The following ZDHHC7 variants were observed in gnomAD, a reference collection of about 807,000 sequenced individuals.
ZDHHC7 encodes zDHHC palmitoyltransferase 7, also known as palmitoyltransferase ZDHHC7.
Under a neutral mutation model 34.1 loss-of-function variants are expected in ZDHHC7, and 12 were observed. That is an observed-to-expected ratio of 0.35 (90% CI 0.23 to 0.57). The LOEUF is 0.57. Ranked by LOEUF, ZDHHC7 falls within the 20% of genes least tolerant of loss-of-function variation. The probability of loss-of-function intolerance (pLI) is 0.84; values close to 1 mark genes in which losing one functional copy is unlikely to be tolerated. For missense variants in ZDHHC7, 388 were observed against 402.7 expected, an observed-to-expected ratio of 0.96 and a Z score of 0.31; for synonymous variants, 185 against 155.4, an observed-to-expected ratio of 1.19 and a Z score of -1.42.
chr16:84,988,156 G>C (rs995402637), intron 3 of ZDHHC7, among the ~76,000 whole-genome samples: 3 of 152,110 alleles, frequency 2.0e-5, no homozygotes, highest in Non-Finnish European at 2.9e-5. Flanking sequence ...GGGCGACAGA[G>C]TGAGACTCCG....
the ZDHHC7 span, among the ~76,000 whole-genome samples, chr16:85,026,848 T>C: frequency 3.3e-5 from 5 of 151,962 alleles, no homozygotes; most frequent in Non-Finnish European, 5.9e-5. Context: ...ACAAATATCT[T>C]CAGAAAATTT....
intron 2 of ZDHHC7, among the ~76,000 whole-genome samples, chr16:84,992,219 C>T (rs1234251881): frequency 2.6e-5 from 4 of 151,892 alleles, no homozygotes; most frequent in Non-Finnish European, 5.9e-5. Flanking sequence ...CCTGTAACCC[C>T]AGCGCTTTCA....
chr16:85,004,911 C>T (rs896343134), intron 1 of ZDHHC7: 3 of 149,714 alleles, frequency 2.0e-5, no homozygotes, highest in African/African-American at 7.3e-5. Flanking sequence ...AAGAGAAAAA[C>T]CCCACCTGTA....
the ZDHHC7 span, among the ~76,000 whole-genome samples, chr16:85,023,914 C>G: frequency 6.6e-6 from 1 of 151,818 alleles, no homozygotes; most frequent in East Asian, 1.9e-4. Context: ...TCACACCCAA[C>G]CTATTCAAAG....
intron 1 of ZDHHC7, among the ~76,000 whole-genome samples, chr16:85,007,361 T>G (rs1388714156): frequency 2.0e-5 from 3 of 147,338 alleles, no homozygotes; most frequent in Non-Finnish European, 4.4e-5. Context: ...AGGCGGAGGT[T>G]GCAGTGAGCC....
chr16:85,018,564 C>T, the ZDHHC7 span, among the ~76,000 whole-genome samples: 3 of 152,070 alleles, frequency 2.0e-5, no homozygotes, highest in Admixed American at 2.0e-4. Flanking sequence ...TCTCCTGCCT[C>T]AGCCTCCCTG....
intron 3 of ZDHHC7, chr16:84,988,666 G>A: frequency 3.9e-6 from 4 of 1,031,278 alleles, no homozygotes; most frequent in Non-Finnish European, 5.8e-6. Context: ...TGAGCGCAGA[G>A]GAGGAAGGGG....
the ZDHHC7 span, among the ~76,000 whole-genome samples, chr16:85,027,164 T>C: frequency 6.6e-6 from 1 of 152,242 alleles, no homozygotes; most frequent in Non-Finnish European, 1.5e-5. Context: ...AGATGCCCCG[T>C]TTTAAAAAGT....
At chr16:84,982,928 C>T (rs1337040851) in intron 3 of ZDHHC7, among the ~76,000 whole-genome samples, 1 of 152,214 alleles carries the variant, frequency 6.6e-6, no homozygotes, top group Non-Finnish European at 1.5e-5. Context: ...ACTGAGGACC[C>T]GCTGTAGGGA....
At chr16:85,003,200 G>A (rs764367536) in intron 1 of ZDHHC7, among the ~76,000 whole-genome samples, 3 of 152,156 alleles carry the variant, frequency 2.0e-5, no homozygotes, top group Non-Finnish European at 2.9e-5. Context: ...CTGAGGGCCC[G>A]AGGAGCCTGA....
intron 1 of ZDHHC7, among the ~76,000 whole-genome samples, chr16:84,996,396 C>T (rs1441403479): frequency 6.6e-6 from 1 of 152,022 alleles, no homozygotes; most frequent in African/African-American, 2.4e-5. Context: ...AGACAGAGCA[C>T]TTGAGGCAGG....
the ZDHHC7 span, among the ~76,000 whole-genome samples, chr16:85,021,615 G>C: frequency 1.1e-4 from 16 of 152,004 alleles, 1 homozygote; most frequent in South Asian, 3.3e-3. Context: ...CTACTCAGAA[G>C]ACTGAGGCAC....
chr16:84,998,261 CAA>C (rs537445063), intron 1 of ZDHHC7, among the ~76,000 whole-genome samples: 32 of 100,442 alleles, frequency 3.2e-4, no homozygotes, highest in South Asian at 5.9e-4. Flanking sequence ...GAGACTGTCT[CAA>C]AAAAAAAAAA....
At chr16:84,991,442 C>T (rs901653972) in intron 2 of ZDHHC7, among the ~76,000 whole-genome samples, 1 of 151,830 alleles carries the variant, frequency 6.6e-6, no homozygotes, top group Admixed American at 6.6e-5. Flanking sequence ...CCCACCACCA[C>T]ACCTAGCTAA....
chr16:84,977,002 C>G, intron 7 of ZDHHC7, 93 bp downstream of exon 7: 1 of 1,538,590 alleles, frequency 6.5e-7, no homozygotes, highest in Non-Finnish European at 8.8e-7. Context: ...GTTCCCGAGT[C>G]AGTCCACAGG....
At chr16:85,005,992 G>A (rs1349927675) in intron 1 of ZDHHC7, among the ~76,000 whole-genome samples, 2 of 152,100 alleles carry the variant, frequency 1.3e-5, no homozygotes, top group Non-Finnish European at 2.9e-5. Context: ...TCTCTAGCCT[G>A]TACCTCTGCA....
intron 3 of ZDHHC7, 94 bp downstream of exon 3, chr16:84,990,210 G>A (rs910567259): frequency 1.4e-6 from 2 of 1,401,994 alleles, no homozygotes; most frequent in South Asian, 1.4e-5. Flanking sequence ...ATGTCAATAT[G>A]TCCCTGTGCA....
In ZDHHC7 at chr16:84,974,667, C is replaced by T. The variant is rs1343124896; in HGVS notation, c.*1676G>A. 6.5e-6 allele frequency: 1 copy of T among 152,688 alleles called. No homozygotes were observed. The highest frequency in any genetic ancestry group is 2.4e-5 in the African/African-American group (1 of 41,454). 9.5% of individuals were successfully genotyped at this position (152,688 alleles called of 1,614,324 possible). ...CATGTCCAACCCAGACAACAATGTG[C>T]AAATGAATATGCAGAACAATCTCGG... On this transcript the variant is annotated 3_prime_UTR_variant, in exon 8 of 8. Coordinates refer to ENST00000313732, the MANE Select transcript of ZDHHC7 (RefSeq NM_017740.3).
chr16:85,023,980 G>A, the ZDHHC7 span, among the ~76,000 whole-genome samples: 1 of 151,964 alleles, frequency 6.6e-6, no homozygotes, highest in Non-Finnish European at 1.5e-5. Context: ...TGCAATGGTA[G>A]GATCTCAGCT....
Sources: allele counts gnomAD v4.1 joint callset (sites outside exome capture counted in the v4.1 genomes callset), GRCh38; gene constraint gnomAD v4.1.1; transcripts MANE v1.5; gene names NCBI Gene and HGNC (gene_info 2026-07-23, HGNC 2026-07-21).